ORAI2: variants seen among roughly 807,000 people sequenced by gnomAD.
ORAI2 encodes the protein protein orai-2.
Under a neutral mutation model 16.2 loss-of-function variants are expected in ORAI2, and 10 were observed. The ratio of observed to expected loss-of-function variants is 0.62; its 90% CI spans 0.38 to 1.04. ORAI2 has a LOEUF of 1.04. ORAI2 is among the 50% of genes least tolerant of loss of function. ORAI2 has a pLI of 0.01. For synonymous variants in ORAI2, 150 were observed against 157.5 expected, an observed-to-expected ratio of 0.95 and a Z score of 0.35; for missense variants, 238 against 355.5, an observed-to-expected ratio of 0.67 and a Z score of 2.66.
In ORAI2 at chr7:102,455,407, T is replaced by TG. The variant is rs2133246380; in HGVS notation, c.*8357dup. The TG allele has an allele frequency of 6.6e-6, 1 of 152,240 alleles. No homozygotes were observed. The highest frequency in any genetic ancestry group is 2.1e-4 in the South Asian group (1 of 4,808). The allele number at this position is 152,240 out of a possible 1,614,324, so 9.4% of individuals were successfully genotyped here. On this transcript the variant is annotated 3_prime_UTR_variant, in exon 4 of 4. Transcript: ENST00000495936. ...CTGGTATCACAAACTTAACAGGTAA[T>TG]GGAGTTTCCTAAAGTGTGCTCTGCA...
chr7:102,445,926 C>G (rs1777947838), intron 3 of ORAI2, among the ~76,000 whole-genome samples: 1 of 132,246 alleles, frequency 7.6e-6, no homozygotes, highest in Non-Finnish European at 1.6e-5. Flanking sequence ...TCTTTCTTTC[C>G]TTTCTTTTCT....
rs35635937 is a variant in ORAI2 at position 102,444,665 on chromosome 7, C to CTTTT, written c.226-1833_226-1830dup. 7.6e-5 allele frequency among the ~76,000 whole-genome samples: 9 copies of CTTTT among 118,006 alleles called. 1 individual carries two copies. Among genetic ancestry groups the CTTTT allele is most frequent in the South Asian group, 2.8e-4 (1 of 3,616 alleles). 77.4% of individuals were successfully genotyped at this position (118,006 alleles called of 152,430 possible). On this transcript the variant is annotated intron_variant, in intron 3 of 3. Coordinates refer to ENST00000495936, the MANE Select transcript of ORAI2 (RefSeq NM_001126340.3). ...TAGAAGAACCTTCCCCAGGCTTCTTCTTTTTTTTTTTTTTTTTTGAGACAA... is the reference window on the plus strand; with the variant it reads ...TAGAAGAACCTTCCCCAGGCTTCTTCTTTTTTTTTTTTTTTTTTTTTTGAGACAA...
rs1419956893 is a variant in ORAI2, at chr7:102,453,668, C to G, written c.*6616C>G. On this transcript the variant is annotated 3_prime_UTR_variant, in exon 4 of 4. Coordinates refer to ENST00000495936, the MANE Select transcript of ORAI2 (RefSeq NM_001126340.3). ...AAGGGAAAATCTGCCCCACCCCTGT[C>G]AAGGGCAGGACACAAGTCACTGGCA... The G allele has an allele frequency of 6.6e-6, 1 of 152,226 alleles. No individual in the cohort carries two copies. The highest frequency in any genetic ancestry group is 1.5e-5 in the Non-Finnish European group (1 of 68,040). The allele number at this position is 152,226 out of a possible 1,614,324, so 9.4% of individuals were successfully genotyped here. A position where few individuals can be genotyped will look rare whatever the true frequency, so the allele number is the denominator to read the frequency against.
At position 102,451,829 on chromosome 7, in the gene ORAI2, G is replaced by A. The variant is rs1797526960; in HGVS notation, c.*4777G>A. The A allele has an allele frequency of 1.3e-5, 2 of 152,300 alleles. No homozygotes were observed. The highest frequency in any genetic ancestry group is 4.8e-5 in the African/African-American group (2 of 41,476). The allele number at this position is 152,300 out of a possible 1,614,324, so 9.4% of individuals were successfully genotyped here. On this transcript the variant is annotated 3_prime_UTR_variant, in exon 4 of 4. Transcript: ENST00000495936. ...TCTAGAATGGAGGCAGGGTACTCAT[G>A]TCCAGACACGCCGCCATGGGGCTCC...
intron 3 of ORAI2, among the ~76,000 whole-genome samples, chr7:102,445,661 G>A (rs1406637309): frequency 6.6e-6 from 1 of 151,886 alleles, no homozygotes; most frequent in African/African-American, 2.4e-5. Context: ...TGTCCCCCAG[G>A]CTGGAGTGCA....
chr7:102,441,994 C>T (rs184079542), intron 3 of ORAI2, among the ~76,000 whole-genome samples: 7 of 152,164 alleles, frequency 4.6e-5, no homozygotes, highest in Non-Finnish European at 7.4e-5. Flanking sequence ...GTGTGTCTTC[C>T]CTCATTAGAA....
rs1325014750 is a variant in ORAI2 at position 102,456,805 on chromosome 7, A to G, written c.*9753A>G. 6.6e-6 allele frequency: 1 copy of G among 152,264 alleles called. No homozygotes were observed. The highest frequency in any genetic ancestry group is 1.9e-4 in the East Asian group (1 of 5,186). 9.4% of individuals were successfully genotyped at this position (152,264 alleles called of 1,614,324 possible). A position where few individuals can be genotyped will look rare whatever the true frequency, so the allele number is the denominator to read the frequency against. The stretch of plus-strand genomic sequence containing the variant: ...AACCCCATGAAAATAGATGCATAAT[A>G]AAGGTGAAAATCATTTAAAATGTTC... On this transcript the variant is annotated 3_prime_UTR_variant, in exon 4 of 4. Coordinates refer to ENST00000495936, the MANE Select transcript of ORAI2 (RefSeq NM_001126340.3).
chr7:102,436,726 T>G (rs1480968351), intron 2 of ORAI2, among the ~76,000 whole-genome samples: 1 of 152,180 alleles, frequency 6.6e-6, no homozygotes, highest in Non-Finnish European at 1.5e-5. Context: ...CTTTTCTTTT[T>G]TTGAGACGGA....
In ORAI2 at chr7:102,451,950, G is replaced by C. The variant is rs1395128439; in HGVS notation, c.*4898G>C. 5.9e-5 allele frequency: 9 copies of C among 152,404 alleles called. No individual in the cohort carries two copies. The highest frequency in any genetic ancestry group is 2.2e-4 in the African/African-American group (9 of 41,584). 9.4% of individuals were successfully genotyped at this position (152,404 alleles called of 1,614,324 possible). A position where few individuals can be genotyped will look rare whatever the true frequency, so the allele number is the denominator to read the frequency against. ...AAAGAAGGGGCAGCCCCAGAGGGTG[G>C]CTGAGCGACAACAGAGCCCACCTGG... On this transcript the variant is annotated 3_prime_UTR_variant, in exon 4 of 4. Coordinates refer to ENST00000495936, the MANE Select transcript of ORAI2 (RefSeq NM_001126340.3).
intron 1 of ORAI2, among the ~76,000 whole-genome samples, chr7:102,435,145 CAT>C (rs1481433692): frequency 6.6e-6 from 1 of 152,192 alleles, no homozygotes; most frequent in African/African-American, 2.4e-5. Flanking sequence ...GTGGCACACA[CAT>C]GTAGTCCCAG....
intron 2 of ORAI2, among the ~76,000 whole-genome samples, chr7:102,438,239 T>C (rs1797109145): frequency 6.8e-6 from 1 of 147,680 alleles, no homozygotes; most frequent in Non-Finnish European, 1.5e-5. Flanking sequence ...TCCCAGGTAC[T>C]TGGGAGGCTG....
At chr7:102,443,737 C>T (rs944040591) in intron 3 of ORAI2, among the ~76,000 whole-genome samples, 6 of 152,070 alleles carry the variant, frequency 3.9e-5, no homozygotes, top group Non-Finnish European at 5.9e-5. Context: ...GATGTAGTCT[C>T]GCTCTGTCTC....
Position 102,453,082 on chromosome 7 carries a change from T to C in ORAI2, c.*6030T>C, listed in dbSNP as rs1797569125. The C allele has an allele frequency of 6.6e-6, 1 of 152,300 alleles. No homozygotes were observed. The highest frequency in any genetic ancestry group is 6.5e-5 in the Admixed American group (1 of 15,280). 9.4% of individuals were successfully genotyped at this position (152,300 alleles called of 1,614,324 possible). On this transcript the variant is annotated 3_prime_UTR_variant, in exon 4 of 4. Transcript: ENST00000495936. ...TCCGCCTCCCAGGTTCAAGCAATTA[T>C]CTTGCCTCAGCCTCCCAAGTAGCTG...
At chr7:102,443,270 TCTC>T (rs1346923692) in intron 3 of ORAI2, among the ~76,000 whole-genome samples, 2 of 149,300 alleles carry the variant, frequency 1.3e-5, no homozygotes, top group Non-Finnish European at 1.5e-5. Flanking sequence ...CAGCCCCTTT[TCTC>T]CTTTTTTTTT....
chr7:102,437,365 A>G (rs1797087051), intron 2 of ORAI2, among the ~76,000 whole-genome samples: 1 of 152,212 alleles, frequency 6.6e-6, no homozygotes, highest in African/African-American at 2.4e-5. Flanking sequence ...CTGTAATCCC[A>G]TCACTTTGGG....
At position 102,450,810 on chromosome 7, in the gene ORAI2, A is replaced by C. The variant is rs758046760; in HGVS notation, c.*3758A>C. 6.6e-6 allele frequency: 1 copy of C among 152,230 alleles called. No individual in the cohort carries two copies. The highest frequency in any genetic ancestry group is 1.5e-5 in the Non-Finnish European group (1 of 68,076). 9.4% of individuals were successfully genotyped at this position (152,230 alleles called of 1,614,324 possible). On this transcript the variant is annotated 3_prime_UTR_variant, in exon 4 of 4. Coordinates refer to ENST00000495936, the MANE Select transcript of ORAI2 (RefSeq NM_001126340.3). ...GGTGAGCTGTTGTTGGAGCTGCAGA[A>C]ACGCCTTGAAGGGCAGCATGGGCGA...
At chr7:102,437,716 A>G (rs916134094) in intron 2 of ORAI2, among the ~76,000 whole-genome samples, 1 of 152,146 alleles carries the variant, frequency 6.6e-6, no homozygotes, top group African/African-American at 2.4e-5. Context: ...TGGATGTTGG[A>G]AGAAGTCTTT....
chr7:102,443,082 CTT>C (rs1003546175), intron 3 of ORAI2, among the ~76,000 whole-genome samples: 20 of 141,326 alleles, frequency 1.4e-4, no homozygotes, highest in Non-Finnish European at 2.4e-4. Context: ...GAAAAATTGC[CTT>C]CTCTTTTCTT....
In ORAI2 at chr7:102,447,076, GC is replaced by G; in HGVS notation, c.*25del. On this transcript the variant is annotated 3_prime_UTR_variant, in exon 4 of 4. Coordinates refer to ENST00000495936, the MANE Select transcript of ORAI2 (RefSeq NM_001126340.3). The stretch of plus-strand genomic sequence containing the variant: ...GAGGGGCCGAGGGCCGGGGCTGGGA[GC>G]GGCCCTGTGCCCGGGAGTCCGCAGA... 1 of 1,500,970 alleles carries G rather than the reference GC, an allele frequency of 6.7e-7. No individual in the cohort carries two copies. Among genetic ancestry groups the G allele is most frequent in the Non-Finnish European group, 8.9e-7 (1 of 1,129,002 alleles). 93.0% of individuals were successfully genotyped at this position (1,500,970 alleles called of 1,614,324 possible). A position where few individuals can be genotyped will look rare whatever the true frequency, so the allele number is the denominator to read the frequency against.
Sources: gnomAD v4.1 joint callset for allele counts (sites outside exome capture counted in the v4.1 genomes callset) on GRCh38, gnomAD v4.1.1 for gene constraint, MANE v1.5 for transcripts, NCBI Gene and HGNC (gene_info 2026-07-23, HGNC 2026-07-21) for gene names.